The following NCEH1 variants were observed in gnomAD, a reference collection of about 807,000 sequenced individuals.
NCEH1 encodes the protein neutral cholesterol ester hydrolase 1.
In NCEH1, 9 loss-of-function variants were observed where a neutral mutation model predicts 25.4. The ratio of observed to expected loss-of-function variants is 0.35; its 90% CI spans 0.21 to 0.62. The LOEUF is 0.62. Ranked by LOEUF, NCEH1 falls within the 20% of genes least tolerant of loss-of-function variation. The pLI, the probability that NCEH1 is intolerant of heterozygous loss-of-function variation, is 0.72. For synonymous variants in NCEH1, 200 were observed against 199.8 expected, an observed-to-expected ratio of 1.00 and a Z score of -0.01; for missense variants, 412 against 501.1, an observed-to-expected ratio of 0.82 and a Z score of 1.70.
chr3:172,630,605 C>G lies in NCEH1; in HGVS notation c.*2870G>C, dbSNP rs1716302467. On this transcript the variant is annotated 3_prime_UTR_variant, in exon 5 of 5. Transcript: ENST00000475381. ...GGCATACAGAAAGAAGAGAAGAGAA[C>G]ACTGTTTTCAAATGGGAAACAGAAA... 2.0e-5 allele frequency: 3 copies of G among 152,186 alleles called. No homozygotes were observed. The South Asian group carries it at 6.2e-4, about 31-fold the overall frequency. The allele number at this position is 152,186 out of a possible 1,614,324, so 9.4% of individuals were successfully genotyped here. A position where few individuals can be genotyped will look rare whatever the true frequency, so the allele number is the denominator to read the frequency against.
At chr3:172,663,835 T>C (rs543398644) in intron 1 of NCEH1, among the ~76,000 whole-genome samples, 1 of 152,306 alleles carries the variant, frequency 6.6e-6, no homozygotes, top group East Asian at 1.9e-4. Context: ...TCCATCCCTT[T>C]ATTTTGAGCC....
chr3:172,656,153 G>A (rs1717680637), intron 1 of NCEH1, among the ~76,000 whole-genome samples: 1 of 152,164 alleles, frequency 6.6e-6, no homozygotes, highest in Non-Finnish European at 1.5e-5. Context: ...GTGAGCAGGA[G>A]TTGAAGAAAG....
At position 172,658,840 on chromosome 3, in the gene NCEH1, C is replaced by CTT. The variant is rs33955977; in HGVS notation, c.139-10728_139-10727dup. Among the ~76,000 whole-genome samples, 236 of 74,218 alleles carry CTT rather than the reference C, an allele frequency of 3.2e-3. 9 individuals are homozygous for CTT. The highest frequency in any genetic ancestry group is 3.9e-3 in the Non-Finnish European group (162 of 41,864). The allele number at this position is 74,218 out of a possible 152,430, so 48.7% of individuals were successfully genotyped here. A position where few individuals can be genotyped will look rare whatever the true frequency, so the allele number is the denominator to read the frequency against. ...AGGTTGTCTCTTTCCAATTCCAAAACTTTTTTTTTTTTTTTTTTTTTTTTT... is the reference window on the plus strand; with the variant it reads ...AGGTTGTCTCTTTCCAATTCCAAAACTTTTTTTTTTTTTTTTTTTTTTTTTTT... On this transcript the variant is annotated intron_variant, in intron 1 of 4. Coordinates refer to ENST00000475381, the MANE Select transcript of NCEH1 (RefSeq NM_020792.6).
intron 1 of NCEH1, among the ~76,000 whole-genome samples, chr3:172,709,297 T>C (rs1290648570): frequency 3.9e-5 from 6 of 152,264 alleles, no homozygotes; most frequent in Non-Finnish European, 7.3e-5. Context: ...TTTGATCTTT[T>C]TCCTGTTTTC....
chr3:172,704,737 G>A (rs1205758110), intron 1 of NCEH1, among the ~76,000 whole-genome samples: 2 of 152,208 alleles, frequency 1.3e-5, no homozygotes, highest in Admixed American at 1.3e-4. Flanking sequence ...AGGCACGTTG[G>A]CTTATGCCTG....
Position 172,641,917 on chromosome 3 carries a change from G to A in NCEH1, c.437+3706C>T, listed in dbSNP as rs1270934358. On this transcript the variant is annotated intron_variant, in intron 3 of 4. Coordinates refer to ENST00000475381, the MANE Select transcript of NCEH1 (RefSeq NM_020792.6). Reference sequence around the variant, plus strand: ...AAACGAGGTAAGATCTTGCCTGTTAGATGTCTCTGTTACTACTTGCCCTTC... The same window carrying A: ...AAACGAGGTAAGATCTTGCCTGTTAAATGTCTCTGTTACTACTTGCCCTTC... Among the ~76,000 whole-genome samples, 5 of 152,124 alleles carry A rather than the reference G, an allele frequency of 3.3e-5. No individual in the cohort carries two copies. In the East Asian group the frequency reaches 7.7e-4, roughly 23 times the overall value.
chr3:172,689,417 T>C (rs1215042595), intron 1 of NCEH1, among the ~76,000 whole-genome samples: 1 of 151,330 alleles, frequency 6.6e-6, no homozygotes, highest in Non-Finnish European at 1.5e-5. Flanking sequence ...CGCCTAATTT[T>C]TGTAGTTTTA....
chr3:172,655,371 G>A (rs908919406), intron 1 of NCEH1, among the ~76,000 whole-genome samples: 6 of 152,166 alleles, frequency 3.9e-5, no homozygotes, highest in Non-Finnish European at 7.3e-5. Context: ...ATCTGGTGGC[G>A]CACTGGCTCT....
chr3:172,675,331 A>AATTAATTAATTAATTAATT (rs1553835617), intron 1 of NCEH1, among the ~76,000 whole-genome samples: 1 of 150,374 alleles, frequency 6.7e-6, no homozygotes, highest in African/African-American at 2.5e-5. Flanking sequence ...ATAAATAAAT[A>AATTAATTAATTAATTAATT]AATAAATAAA....
intron 1 of NCEH1, among the ~76,000 whole-genome samples, chr3:172,683,627 G>A (rs960816680): frequency 4.6e-5 from 7 of 152,272 alleles, no homozygotes; most frequent in Admixed American, 3.3e-4. Flanking sequence ...ATAGTGAGCC[G>A]TAATCACGCC....
chr3:172,687,202 C>T (rs759070126), intron 1 of NCEH1, among the ~76,000 whole-genome samples: 16 of 152,248 alleles, frequency 1.1e-4, no homozygotes, highest in East Asian at 1.9e-4. Flanking sequence ...CCATGCCACC[C>T]GCTTCTCTTG....
rs147115710 is a variant in NCEH1, at chr3:172,642,914, A to G, written c.437+2709T>C. Among the ~76,000 whole-genome samples, 3 of 151,662 alleles carry G rather than the reference A, an allele frequency of 2.0e-5. No individual in the cohort carries two copies. The South Asian group carries it at 6.2e-4, about 32-fold the overall frequency. On this transcript the variant is annotated intron_variant, in intron 3 of 4. Transcript: ENST00000475381. ...GTGATTTCTGTTTCCAGGAGTTCAC[A>G]TTCTTTTGTTTTTGCTTTGTTTGTT...
chr3:172,691,782 T>C (rs565307214), intron 1 of NCEH1, among the ~76,000 whole-genome samples: 3 of 152,366 alleles, frequency 2.0e-5, no homozygotes, highest in East Asian at 3.8e-4. Context: ...ACTCCATCTC[T>C]ACTAAAAATA....
At position 172,689,909 on chromosome 3, in the gene NCEH1, ATT is replaced by A. The variant is rs549736200; in HGVS notation, c.138+20936_138+20937del. Among the ~76,000 whole-genome samples the A allele has an allele frequency of 2.0e-3, 287 of 140,850 alleles. 1 individual carries two copies. The highest frequency in any genetic ancestry group is 7.4e-3 in the African/African-American group (282 of 38,098). 92.4% of individuals were successfully genotyped at this position (140,850 alleles called of 152,430 possible). A position where few individuals can be genotyped will look rare whatever the true frequency, so the allele number is the denominator to read the frequency against. On this transcript the variant is annotated intron_variant, in intron 1 of 4. Transcript: ENST00000475381. ...TTATTTTTTATTATTTTATTTATTT[ATT>A]TTTTTTTTTTGAGACGGAGTCTCAC...
rs1242346088 is a variant in NCEH1 at position 172,631,699 on chromosome 3, T to C, written c.*1776A>G. Reference sequence around the variant, plus strand: ...ATTGACTTCTGTTTTGTACATAAAATGCTACTGGCTCATACAATACATCAA... The same window carrying C: ...ATTGACTTCTGTTTTGTACATAAAACGCTACTGGCTCATACAATACATCAA... On this transcript the variant is annotated 3_prime_UTR_variant, in exon 5 of 5. Transcript: ENST00000475381. 1.3e-5 allele frequency: 2 copies of C among 152,624 alleles called. No homozygotes were observed. The highest frequency in any genetic ancestry group is 2.1e-4 in the South Asian group (1 of 4,834). 9.5% of individuals were successfully genotyped at this position (152,624 alleles called of 1,614,324 possible). A position where few individuals can be genotyped will look rare whatever the true frequency, so the allele number is the denominator to read the frequency against.
Position 172,633,799 on chromosome 3 carries a change from C to A in NCEH1, c.903G>T (p.Lys301Asn), listed in dbSNP as rs200922852. Residue 301 changes from lysine to asparagine, a missense_variant, in exon 5 of 5, where the codon AAG becomes AAT. Physicochemically the swap from Lys to Asn is moderately conservative, Grantham distance 94. Transcript: ENST00000475381. ...LLPASFTKNYKPVVQTTGNAR... is the reference protein window; with the variant it reads ...LLPASFTKNYNPVVQTTGNAR... ...CATTGCCTGTGGTCTGTACAACAGG[C>A]TTGTAGTTCTTTGTGAAGGATGCAG... is the stretch of plus-strand genomic sequence containing the variant. 6.2e-7 allele frequency: 1 copy of A among 1,614,182 alleles called. No individual in the cohort carries two copies. Among genetic ancestry groups the A allele is most frequent in the East Asian group, 2.2e-5 (1 of 44,890 alleles).
intron 1 of NCEH1, among the ~76,000 whole-genome samples, chr3:172,658,676 A>C (rs1717815455): frequency 6.6e-6 from 1 of 152,140 alleles, no homozygotes; most frequent in Non-Finnish European, 1.5e-5. Context: ...CCACTACATA[A>C]CAAAATCTAG....
At chr3:172,656,879 CT>C (rs1224663186) in intron 1 of NCEH1, among the ~76,000 whole-genome samples, 4 of 152,134 alleles carry the variant, frequency 2.6e-5, no homozygotes, top group African/African-American at 9.7e-5. Context: ...CAATGAACCC[CT>C]GACCCCAATG....
intron 1 of NCEH1, among the ~76,000 whole-genome samples, chr3:172,698,557 G>T (rs574846702): frequency 1.7e-4 from 26 of 152,252 alleles, no homozygotes; most frequent in South Asian, 8.3e-4. Context: ...CTCTGAAAAG[G>T]GTCTCTCAAT....
Sources: gnomAD v4.1 joint callset for allele counts (sites outside exome capture counted in the v4.1 genomes callset) on GRCh38, gnomAD v4.1.1 for gene constraint, MANE v1.5 for transcripts, NCBI Gene and HGNC (gene_info 2026-07-23, HGNC 2026-07-21) for gene names.